CDK13: variants seen among roughly 807,000 people sequenced by gnomAD.
CDK13 encodes cyclin-dependent kinase 13.
In CDK13, 40 loss-of-function variants were observed where a neutral mutation model predicts 137.6. The observed-to-expected ratio is 0.29, with a 90% CI of 0.23 to 0.38. The LOEUF (loss-of-function observed/expected upper bound fraction) is 0.38. Among genes scored for constraint, CDK13 ranks in the 10% least tolerant of loss-of-function variants. The pLI, the probability that CDK13 is intolerant of heterozygous loss-of-function variation, is 1.00. For synonymous variants in CDK13, 869 were observed against 760.1 expected (o/e 1.14, Z -2.36); for missense variants, 1,704 against 1,951.8 (o/e 0.87, Z 2.39).
intron 1 of CDK13, among the ~76,000 whole-genome samples, chr7:39,959,614 G>A (rs1787544998): frequency 6.6e-6 from 1 of 151,998 alleles, no homozygotes; most frequent in South Asian, 2.1e-4. Context: ...GCAGATGCAT[G>A]CCAGCATGCC....
intron 1 of CDK13, among the ~76,000 whole-genome samples, 179 bp from the exon 2 acceptor site, chr7:39,987,420 A>G (rs923585722): frequency 1.3e-5 from 2 of 152,240 alleles, no homozygotes; most frequent in Admixed American, 6.5e-5. Flanking sequence ...GAAGAAAACT[A>G]TGATCACCAA....
In CDK13 at chr7:40,093,057, G is replaced by A. The variant is rs3204309; in HGVS notation, c.3508G>A (p.Val1170Met). 7.1e-3 allele frequency: 11,416 copies of A among 1,614,210 alleles called. 59 individuals are homozygous for A. Among genetic ancestry groups the A allele is most frequent in the Non-Finnish European group, 8.6e-3 (10,099 of 1,180,016 alleles). The stretch of plus-strand genomic sequence containing the variant: ...TTCTTCTCAGACCATCCAGCCTAAA[G>A]TGGAGACTGATGCTGCCCAGGCGGC... ...QPSSQTIQPK[V>M]ETDAAQAAVQ... The change falls in exon 13 of 14, where the codon GTG becomes ATG. Residue 1170 changes from valine (V) to methionine (M), a missense_variant. Coordinates refer to ENST00000181839, the MANE Select transcript of CDK13 (RefSeq NM_003718.5).
In CDK13 at chr7:40,031,330, C is replaced by T. The variant is rs760368853; in HGVS notation, c.2354-14506C>T. On this transcript the variant is annotated intron_variant, in intron 5 of 13. Coordinates refer to ENST00000181839, the MANE Select transcript of CDK13 (RefSeq NM_003718.5). ...TGAGGTCAGGAGTTCAAGACCAGCC[C>T]GGCCAACATGGTGAAACCTGGTCAC... Among the ~76,000 whole-genome samples, 17 of 152,008 alleles carry T rather than the reference C, an allele frequency of 1.1e-4. 1 individual carries two copies. The Middle Eastern group carries it at 0.014, about 122-fold the overall frequency.
chr7:39,951,586 C>T lies in CDK13; in HGVS notation c.945C>T (p.Ser315=). The change falls in exon 1 of 14, where the codon TCC becomes TCT. Residue 315 remains serine, a synonymous_variant. Coordinates refer to ENST00000181839, the MANE Select transcript of CDK13 (RefSeq NM_003718.5). ...CTAAGGCCTACAGGCGGCGGCGGTC[C>T]CTCAGCCCACTGGGAGGCCGGGACG... ...TEPKAYRRRR[S]LSPLGGRDDS... is the part of the protein sequence containing the mutation. 8.7e-6 allele frequency: 13 copies of T among 1,500,856 alleles called. No individual in the cohort carries two copies. The highest frequency in any genetic ancestry group is 1.4e-5 in the African/African-American group (1 of 69,712). The allele number at this position is 1,500,856 out of a possible 1,614,324, so 93.0% of individuals were successfully genotyped here.
intron 12 of CDK13, 74 bp from the exon 13 acceptor site, chr7:40,092,711 C>T (rs1286393671): frequency 9.6e-7 from 1 of 1,045,294 alleles, no homozygotes; most frequent in African/African-American, 1.6e-5. Context: ...TATGGTAATA[C>T]AGAGCCATTT....
intron 5 of CDK13, among the ~76,000 whole-genome samples, chr7:40,032,663 G>A (rs1421246721): frequency 1.3e-5 from 2 of 151,858 alleles, no homozygotes; most frequent in East Asian, 3.9e-4. Context: ...CCATTGAAGT[G>A]CTTTAACTCC....
intron 1 of CDK13, among the ~76,000 whole-genome samples, chr7:39,953,663 C>G (rs3847018): frequency 0.35 from 53,079 of 151,960 alleles, 10,425 homozygotes; most frequent in East Asian, 0.51. Flanking sequence ...AGTTACTTGC[C>G]CTCATAGAGC....
intron 9 of CDK13, chr7:40,070,334 G>C (rs1452778859): frequency 6.6e-6 from 1 of 151,030 alleles, no homozygotes; most frequent in African/African-American, 2.4e-5. Context: ...GCTTGAACCT[G>C]GGAGGTGGAG....
chr7:40,049,845 T>C lies in CDK13; in HGVS notation c.2600+1968T>C, dbSNP rs1044412499. 2.0e-5 allele frequency among the ~76,000 whole-genome samples: 3 copies of C among 152,342 alleles called. No individual in the cohort carries two copies. In the East Asian group the frequency reaches 5.8e-4, roughly 29 times the overall value. ...TGAAATGATGAGTTATTTGTCTTTA[T>C]GTGCCTGCCTTATTCCACTTAACAC... On this transcript the variant is annotated intron_variant, in intron 7 of 13. Coordinates refer to ENST00000181839, the MANE Select transcript of CDK13 (RefSeq NM_003718.5).
intron 2 of CDK13, among the ~76,000 whole-genome samples, chr7:39,990,292 C>CT (rs1236992363): frequency 6.6e-6 from 1 of 150,690 alleles, no homozygotes; most frequent in Non-Finnish European, 1.5e-5. Flanking sequence ...GTTGTCTCTT[C>CT]TTTCTTTGAA....
chr7:40,045,813 G>T, intron 5 of CDK13, 23 bp from the exon 6 acceptor site: 1 of 1,489,160 alleles, frequency 6.7e-7, no homozygotes, highest in South Asian at 1.2e-5. Context: ...AGTTTCTAAT[G>T]TATTAATTAT....
At chr7:40,012,911 CAA>C (rs61228761) in intron 5 of CDK13, among the ~76,000 whole-genome samples, 7,982 of 120,498 alleles carry the variant, frequency 0.066, 651 homozygotes, top group African/African-American at 0.21. Context: ...GACTCTGTGT[CAA>C]AAAAAAAAAA....
At chr7:40,091,752 TAAG>T (rs925209149) in intron 12 of CDK13, among the ~76,000 whole-genome samples, 122 of 152,292 alleles carry the variant, frequency 8.0e-4, no homozygotes, top group African/African-American at 2.8e-3. Context: ...TCACGGATCA[TAAG>T]AAGAACTTGC....
At chr7:39,964,619 C>G (rs1783826824) in intron 1 of CDK13, among the ~76,000 whole-genome samples, 1 of 147,002 alleles carries the variant, frequency 6.8e-6, no homozygotes, top group South Asian at 2.1e-4. Context: ...TTTTGTGTCT[C>G]TATTTCCTTC....
At chr7:39,976,607 G>A (rs902275783) in intron 1 of CDK13, among the ~76,000 whole-genome samples, 3 of 151,726 alleles carry the variant, frequency 2.0e-5, no homozygotes, top group African/African-American at 4.8e-5. Context: ...TACTCCCAGC[G>A]GTTGTCTGAA....
At chr7:39,994,105 A>G (rs1003156333) in intron 2 of CDK13, among the ~76,000 whole-genome samples, 3 of 152,000 alleles carry the variant, frequency 2.0e-5, no homozygotes, top group Admixed American at 1.3e-4. Context: ...GATGTTTAGT[A>G]GATATGTTAG....
intron 9 of CDK13, among the ~76,000 whole-genome samples, chr7:40,075,912 T>G (rs1344794046): frequency 2.6e-5 from 4 of 152,158 alleles, no homozygotes; most frequent in Admixed American, 6.5e-5. Context: ...GAGCCCTGTA[T>G]TCCCCCTACA....
intron 1 of CDK13, among the ~76,000 whole-genome samples, chr7:39,969,044 C>T (rs149775889): frequency 2.6e-5 from 4 of 152,210 alleles, no homozygotes; most frequent in Admixed American, 6.5e-5. Context: ...GAGATGGAGC[C>T]TCGCTCTGTG....
chr7:40,029,247 C>T (rs977755278), intron 5 of CDK13, among the ~76,000 whole-genome samples: 1 of 151,140 alleles, frequency 6.6e-6, no homozygotes, highest in Non-Finnish European at 1.5e-5. Context: ...GCCAACATGG[C>T]GAAACCCCAT....
Sources: allele counts gnomAD v4.1 joint callset (sites outside exome capture counted in the v4.1 genomes callset), GRCh38; gene constraint gnomAD v4.1.1; transcripts MANE v1.5; gene names NCBI Gene and HGNC (gene_info 2026-07-23, HGNC 2026-07-21).